MAP7: variants seen among roughly 807,000 people sequenced by gnomAD.
MAP7 encodes the protein microtubule associated protein 7.
A neutral mutation model predicts 94.8 loss-of-function variants in MAP7; 52 were observed. The ratio of observed to expected loss-of-function variants is 0.55; its 90% CI spans 0.44 to 0.69. The LOEUF is 0.69. Ranked by LOEUF, MAP7 falls within the 30% of genes least tolerant of loss-of-function variation. The pLI, the probability that MAP7 is intolerant of heterozygous loss-of-function variation, is 0.00. For synonymous variants in MAP7, 350 were observed against 357.0 expected (o/e 0.98, Z 0.22); for missense variants, 940 against 964.6 (o/e 0.97, Z 0.34).
intron 1 of MAP7, among the ~76,000 whole-genome samples, chr6:136,541,781 G>A (rs1350585756): frequency 2.0e-5 from 3 of 152,170 alleles, no homozygotes; most frequent in Non-Finnish European, 2.9e-5. Context: ...AAGTGGAGCC[G>A]GGAGTGGTGG....
chr6:136,519,858 T>C (rs942735902), intron 1 of MAP7, among the ~76,000 whole-genome samples: 3 of 152,170 alleles, frequency 2.0e-5, no homozygotes, highest in Non-Finnish European at 4.4e-5. Flanking sequence ...CTTGTAACTA[T>C]ATACCTTTGT....
At chr6:136,396,232 TC>T (rs1401678928) in intron 3 of MAP7, among the ~76,000 whole-genome samples, 1 of 152,184 alleles carries the variant, frequency 6.6e-6, no homozygotes, top group Non-Finnish European at 1.5e-5. Flanking sequence ...TCAATTTTTT[TC>T]ATCAGTGTTT....
chr6:136,530,214 T>G (rs997589548), intron 1 of MAP7, among the ~76,000 whole-genome samples: 4 of 152,206 alleles, frequency 2.6e-5, no homozygotes, highest in Non-Finnish European at 5.9e-5. Flanking sequence ...ATTTGTACTA[T>G]TCAATGGCTG....
chr6:136,468,631 TG>T (rs1416585246), intron 1 of MAP7, among the ~76,000 whole-genome samples: 1 of 152,242 alleles, frequency 6.6e-6, no homozygotes, highest in East Asian at 1.9e-4. Flanking sequence ...AAGCTTATTT[TG>T]TAATACAGTG....
chr6:136,518,364 T>C (rs772656281), intron 1 of MAP7, among the ~76,000 whole-genome samples: 3 of 152,130 alleles, frequency 2.0e-5, no homozygotes, highest in Non-Finnish European at 2.9e-5. Context: ...TAACAAACCA[T>C]TGCTGGGCAG....
chr6:136,461,948 TA>T (rs1352059942), intron 1 of MAP7, among the ~76,000 whole-genome samples: 7 of 152,194 alleles, frequency 4.6e-5, no homozygotes, highest in African/African-American at 1.7e-4. Flanking sequence ...CTTTAAGTTT[TA>T]AAAGGCCAAT....
intron 1 of MAP7, among the ~76,000 whole-genome samples, chr6:136,459,993 G>T (rs373150391): frequency 6.6e-6 from 1 of 152,146 alleles, no homozygotes. Context: ...CTATTGTCAT[G>T]AAAAAGTTCA....
At chr6:136,393,499 A>G (rs1408630690) in intron 3 of MAP7, among the ~76,000 whole-genome samples, 2 of 152,184 alleles carry the variant, frequency 1.3e-5, no homozygotes, top group African/African-American at 4.8e-5. Context: ...GGTAGTTGAG[A>G]CAAGTGACCC....
At chr6:136,394,597 A>T (rs887185910) in intron 3 of MAP7, among the ~76,000 whole-genome samples, 9 of 151,988 alleles carry the variant, frequency 5.9e-5, no homozygotes, top group Non-Finnish European at 8.8e-5. Context: ...ATCTTCTCTT[A>T]TAGATATATC....
chr6:136,527,344 T>C (rs892605145), intron 1 of MAP7, among the ~76,000 whole-genome samples: 11 of 152,190 alleles, frequency 7.2e-5, no homozygotes, highest in Non-Finnish European at 1.2e-4. Context: ...AAAAACATTT[T>C]TTTTGCTTTT....
At chr6:136,454,433 A>T (rs926219368) in intron 1 of MAP7, among the ~76,000 whole-genome samples, 1 of 151,924 alleles carries the variant, frequency 6.6e-6, no homozygotes. Context: ...CAGCCTTCTA[A>T]GTAACTGGGA....
At position 136,550,024 on chromosome 6, in the gene MAP7, G is replaced by C. The variant is rs1201874967; in HGVS notation, c.67+318C>G. ...ACTGAATTAGACCCGAGGCCGCGGC[G>C]GGGAGGGCAGCGGCCGGGGTCTCTC... On this transcript the variant is annotated intron_variant, in intron 1 of 17. Coordinates refer to ENST00000354570, the MANE Select transcript of MAP7 (RefSeq NM_003980.6). The surrounding 1 kb of genome is among the most constrained non-coding windows in gnomAD (Gnocchi z 5.1). Among the ~76,000 whole-genome samples, 1 of 152,114 alleles carries C rather than the reference G, an allele frequency of 6.6e-6. No homozygotes were observed. Among genetic ancestry groups the C allele is most frequent in the Non-Finnish European group, 1.5e-5 (1 of 68,000 alleles).
intron 11 of MAP7, among the ~76,000 whole-genome samples, chr6:136,361,679 G>T (rs1792827855): frequency 6.6e-6 from 1 of 152,200 alleles, no homozygotes; most frequent in Admixed American, 6.5e-5. Context: ...GTACAGTTGT[G>T]TTCGTTTGAA....
intron 1 of MAP7, among the ~76,000 whole-genome samples, chr6:136,518,391 G>C (rs531661254): frequency 4.4e-4 from 67 of 152,230 alleles, no homozygotes; most frequent in African/African-American, 1.5e-3. Flanking sequence ...TGAAAAACAG[G>C]ACCTGCATTT....
At chr6:136,453,666 T>C (rs1801859925) in intron 1 of MAP7, among the ~76,000 whole-genome samples, 2 of 152,258 alleles carry the variant, frequency 1.3e-5, no homozygotes, top group Non-Finnish European at 2.9e-5. Flanking sequence ...TGCTTATTTT[T>C]ACCATTAGGA....
chr6:136,388,803 G>C (rs1355749770), intron 4 of MAP7, among the ~76,000 whole-genome samples: 12 of 152,112 alleles, frequency 7.9e-5, no homozygotes, highest in Admixed American at 7.9e-4. Flanking sequence ...TGGTAGTGCA[G>C]ATCTTAGCTT....
At chr6:136,382,971 C>G (rs950008438) in intron 6 of MAP7, among the ~76,000 whole-genome samples, 5 of 152,080 alleles carry the variant, frequency 3.3e-5, no homozygotes, top group African/African-American at 1.2e-4. Flanking sequence ...ATTCTATGAT[C>G]TATGTAAAAC....
At chr6:136,448,171 G>A (rs974940618) in intron 1 of MAP7, among the ~76,000 whole-genome samples, 1 of 151,956 alleles carries the variant, frequency 6.6e-6, no homozygotes, top group Non-Finnish European at 1.5e-5. Flanking sequence ...CAGCCTGGCC[G>A]ACACAGCGAG....
At chr6:136,481,889 C>A (rs1812948013) in intron 1 of MAP7, among the ~76,000 whole-genome samples, 1 of 152,002 alleles carries the variant, frequency 6.6e-6, no homozygotes, top group Non-Finnish European at 1.5e-5. Flanking sequence ...ATATATATAG[C>A]CACTAGAGAT....
Sources: gnomAD v4.1 joint callset for allele counts (sites outside exome capture counted in the v4.1 genomes callset) on GRCh38, gnomAD v4.1.1 for gene constraint, Gnocchi (gnomAD v3.1) non-coding constraint, MANE v1.5 for transcripts, NCBI Gene and HGNC (gene_info 2026-07-23, HGNC 2026-07-21) for gene names.